The following SGCZ variants were observed in gnomAD, a reference collection of about 807,000 sequenced individuals.
SGCZ encodes sarcoglycan zeta, also known as zeta-sarcoglycan.
SGCZ carries 40 observed loss-of-function variants against 41.3 expected under a neutral mutation model. That is an observed-to-expected ratio of 0.97 (90% CI 0.75 to 1.26). SGCZ has a LOEUF of 1.26. Ranked by LOEUF, SGCZ falls within the 50% of genes most tolerant of loss-of-function variation. The pLI is 0.00. For missense variants in SGCZ, 552 were observed against 369.8 expected (o/e 1.49, Z -4.04); for synonymous variants, 206 against 137.5 (o/e 1.50, Z -3.49).
chr8:15,212,719 G>A (rs1441434573), intron 1 of SGCZ, among the ~76,000 whole-genome samples: 3 of 151,626 alleles, frequency 2.0e-5, no homozygotes, highest in Admixed American at 6.6e-5. Context: ...TAGAGGTAAA[G>A]CAGAATTTTG....
intron 4 of SGCZ, among the ~76,000 whole-genome samples, chr8:14,175,881 A>G (rs1585202578): frequency 6.6e-6 from 1 of 152,180 alleles, no homozygotes; most frequent in East Asian, 1.9e-4. Flanking sequence ...TGATGAGATA[A>G]GAAATGATAT....
chr8:14,650,538 G>C (rs1027372777), intron 1 of SGCZ, among the ~76,000 whole-genome samples: 40 of 151,916 alleles, frequency 2.6e-4, no homozygotes, highest in African/African-American at 9.2e-4. Context: ...CCCAGTGTCT[G>C]CTGTTTCCCT....
intron 2 of SGCZ, among the ~76,000 whole-genome samples, chr8:14,404,864 T>G (rs1278825352): frequency 6.6e-6 from 1 of 152,196 alleles, no homozygotes; most frequent in African/African-American, 2.4e-5. Flanking sequence ...GGCACTCAAG[T>G]GAGACTGGGA....
chr8:14,194,573 T>C (rs1805206213), intron 4 of SGCZ, among the ~76,000 whole-genome samples: 1 of 151,898 alleles, frequency 6.6e-6, no homozygotes, highest in Non-Finnish European at 1.5e-5. Context: ...AAACCAGGAA[T>C]AATAACATAA....
At chr8:14,698,448 A>G (rs1188708291) in intron 1 of SGCZ, among the ~76,000 whole-genome samples, 2 of 151,970 alleles carry the variant, frequency 1.3e-5, no homozygotes, top group South Asian at 2.1e-4. Flanking sequence ...GAAAAAATAC[A>G]ATTTATAAAT....
chr8:14,312,033 A>G (rs1444341151), intron 3 of SGCZ, among the ~76,000 whole-genome samples: 1 of 152,108 alleles, frequency 6.6e-6, no homozygotes, highest in Non-Finnish European at 1.5e-5. Context: ...TTACTGAATG[A>G]GTTATTTTAG....
chr8:14,826,753 T>C (rs567935911), intron 1 of SGCZ, among the ~76,000 whole-genome samples: 2 of 152,240 alleles, frequency 1.3e-5, no homozygotes, highest in Non-Finnish European at 2.9e-5. Flanking sequence ...TGTCTGTTTA[T>C]ATCCTTTGCC....
chr8:14,482,889 G>A (rs994538343), intron 2 of SGCZ, among the ~76,000 whole-genome samples: 1 of 151,878 alleles, frequency 6.6e-6, no homozygotes, highest in Non-Finnish European at 1.5e-5. Context: ...AACACCACTG[G>A]CTCCCCTGGG....
intron 1 of SGCZ, among the ~76,000 whole-genome samples, chr8:14,815,628 C>T (rs1320155626): frequency 6.6e-6 from 1 of 152,102 alleles, no homozygotes; most frequent in African/African-American, 2.4e-5. Flanking sequence ...TAGAAATATG[C>T]AGTACCTATT....
chr8:14,988,428 T>C (rs765894779), intron 1 of SGCZ, among the ~76,000 whole-genome samples: 8 of 152,088 alleles, frequency 5.3e-5, no homozygotes, highest in African/African-American at 1.2e-4. Flanking sequence ...AGTGTTTCTA[T>C]AGAAACTTGT....
chr8:14,700,236 A>C (rs1809092803), intron 1 of SGCZ, among the ~76,000 whole-genome samples: 1 of 152,058 alleles, frequency 6.6e-6, no homozygotes, highest in Non-Finnish European at 1.5e-5. Flanking sequence ...ATGGATTAAG[A>C]AAATGTGGTG....
At chr8:14,527,436 G>T (rs538262126) in intron 2 of SGCZ, among the ~76,000 whole-genome samples, 1 of 152,042 alleles carries the variant, frequency 6.6e-6, no homozygotes, top group East Asian at 1.9e-4. Context: ...TAAGTAGCTG[G>T]GACTACAGAT....
At chr8:14,211,671 G>C (rs1391269326) in intron 4 of SGCZ, among the ~76,000 whole-genome samples, 2 of 150,746 alleles carry the variant, frequency 1.3e-5, no homozygotes, top group Non-Finnish European at 3.0e-5. Context: ...GAGAGAGAGA[G>C]TAAAAAGGGA....
At chr8:14,377,686 C>G (rs534807547) in intron 2 of SGCZ, among the ~76,000 whole-genome samples, 4 of 151,752 alleles carry the variant, frequency 2.6e-5, no homozygotes, top group Non-Finnish European at 4.4e-5. Flanking sequence ...CCACTCCCCC[C>G]ACCCCACAAC....
intron 4 of SGCZ, among the ~76,000 whole-genome samples, chr8:14,197,981 A>C (rs1805321081): frequency 6.6e-6 from 1 of 152,194 alleles, no homozygotes; most frequent in Admixed American, 6.5e-5. Context: ...TATACCAAAA[A>C]TTAATTGTGT....
chr8:14,402,299 C>T (rs1431308894), intron 2 of SGCZ, among the ~76,000 whole-genome samples: 4 of 151,184 alleles, frequency 2.6e-5, no homozygotes, highest in Non-Finnish European at 4.4e-5. Flanking sequence ...TTAATTAGAT[C>T]CCATTTGTCA....
chr8:14,744,284 C>T (rs941297610), intron 1 of SGCZ, among the ~76,000 whole-genome samples: 4 of 152,098 alleles, frequency 2.6e-5, no homozygotes, highest in South Asian at 2.1e-4. Flanking sequence ...TCATTGAAAA[C>T]GCCAAATGTG....
intron 1 of SGCZ, among the ~76,000 whole-genome samples, chr8:15,183,981 A>G (rs1800255338): frequency 6.6e-6 from 1 of 152,232 alleles, no homozygotes; most frequent in Non-Finnish European, 1.5e-5. Context: ...GTAAGAAAGA[A>G]TGATGTACAA....
At chr8:14,118,330 A>G (rs1428219913) in intron 5 of SGCZ, among the ~76,000 whole-genome samples, 1 of 152,170 alleles carries the variant, frequency 6.6e-6, no homozygotes, top group African/African-American at 2.4e-5. Context: ...AGTGATGGTG[A>G]GGTGTTTTTC....
Sources: allele counts gnomAD v4.1 joint callset (sites outside exome capture counted in the v4.1 genomes callset), GRCh38; gene constraint gnomAD v4.1.1; transcripts MANE v1.5; gene names NCBI Gene and HGNC (gene_info 2026-07-23, HGNC 2026-07-21).